HDLBP: variants seen among roughly 807,000 people sequenced by gnomAD.
HDLBP encodes vigilin.
HDLBP carries 30 observed loss-of-function variants against 137.3 expected under a neutral mutation model. That is an observed-to-expected ratio of 0.22 (90% CI 0.16 to 0.30). HDLBP has a LOEUF of 0.30. HDLBP is among the 10% of genes least tolerant of loss of function. The probability of loss-of-function intolerance (pLI) is 1.00; values close to 1 mark genes in which losing one functional copy is unlikely to be tolerated. For synonymous variants in HDLBP, 606 were observed against 596.0 expected (o/e 1.02, Z -0.24); for missense variants, 1,119 against 1,667.3 (o/e 0.67, Z 5.73).
chr2:241,246,281 A>T (rs1306940749), intron 16 of HDLBP, among the ~76,000 whole-genome samples: 1 of 151,330 alleles, frequency 6.6e-6, no homozygotes, highest in Non-Finnish European at 1.5e-5. Context: ...GGGTGGGGGG[A>T]GTGTGGTTTT....
chr2:241,242,848 G>A (rs2071378582), intron 16 of HDLBP, 170 bp from the exon 17 acceptor site: 1 of 639,666 alleles, frequency 1.6e-6, no homozygotes, highest in African/African-American at 1.8e-5. Flanking sequence ...GACCTGCACG[G>A]GGGAGGAGAG....
rs367970143 is a variant in HDLBP at position 241,307,359 on chromosome 2, G to C, written c.-103+8211C>G. Among the ~76,000 whole-genome samples, 8 of 152,200 alleles carry C rather than the reference G, an allele frequency of 5.3e-5. No homozygotes were observed. The East Asian group carries it at 5.8e-4, about 11-fold the overall frequency. ...CATCAGCCACTTCTTACCTCTTCCT[G>C]CCCCAGGAGAGACCTGCGGTCATAG... On this transcript the variant is annotated intron_variant, in intron 1 of 27. Coordinates refer to ENST00000310931, the MANE Select transcript of HDLBP (RefSeq NM_005336.6).
chr2:241,303,409 T>C (rs1322436810), intron 1 of HDLBP, among the ~76,000 whole-genome samples: 2 of 152,160 alleles, frequency 1.3e-5, no homozygotes, highest in African/African-American at 4.8e-5. Context: ...AAAGGAATCA[T>C]GCCAAGAAAG....
At chr2:241,250,566 G>C (rs955037415) in intron 11 of HDLBP, 1 of 152,562 alleles carries the variant, frequency 6.6e-6, no homozygotes, top group African/African-American at 2.4e-5. Flanking sequence ...GTACCCCCAA[G>C]TTAAGAGTTC....
intron 1 of HDLBP, among the ~76,000 whole-genome samples, chr2:241,299,832 G>A (rs906652166): frequency 2.0e-5 from 3 of 151,024 alleles, no homozygotes; most frequent in South Asian, 2.1e-4. Context: ...GGAGAACAGC[G>A]TGAACCCAGG....
At chr2:241,246,993 AAAT>A in intron 15 of HDLBP, 60 bp downstream of exon 15, 1 of 1,567,570 alleles carries the variant, frequency 6.4e-7, no homozygotes, top group Non-Finnish European at 8.8e-7. Context: ...TCTAAAACCA[AAAT>A]GGTGCAGGGC....
intron 7 of HDLBP, 30 bp from the exon 8 acceptor site, chr2:241,255,610 A>C (rs1393755441): frequency 3.8e-6 from 6 of 1,578,678 alleles, no homozygotes; most frequent in Non-Finnish European, 5.2e-6. Context: ...GGGGCAGTCA[A>C]AGGGAAAGGT....
chr2:241,278,009 G>A (rs994949945), intron 1 of HDLBP, among the ~76,000 whole-genome samples: 44 of 151,948 alleles, frequency 2.9e-4, no homozygotes, highest in African/African-American at 8.7e-4. Flanking sequence ...ACAAAAAGGC[G>A]GGTCTCCAAA....
chr2:241,302,928 G>A (rs1332982338), intron 1 of HDLBP, among the ~76,000 whole-genome samples: 1 of 152,160 alleles, frequency 6.6e-6, no homozygotes, highest in African/African-American at 2.4e-5. Context: ...TTCTCTGCCT[G>A]GCCCGAGGTA....
At chr2:241,229,792 A>T in intron 27 of HDLBP, 41 bp downstream of exon 27, 1 of 280,190 alleles carries the variant, frequency 3.6e-6, no homozygotes, top group Non-Finnish European at 6.4e-6. Flanking sequence ...CTGCCCGCCC[A>T]CCCTCCCTGG....
intron 3 of HDLBP, among the ~76,000 whole-genome samples, chr2:241,266,189 C>T (rs773387285): frequency 6.6e-5 from 10 of 152,190 alleles, no homozygotes; most frequent in African/African-American, 1.9e-4. Flanking sequence ...CATCAGACTT[C>T]GAAGAGAAAT....
chr2:241,240,040 C>T lies in HDLBP; in HGVS notation c.2252G>A (p.Arg751His), dbSNP rs772976334. ...TGCTCCAGTGCTGTCGCGCACCTTG[C>T]GAATTTTGCCGCCCCCCTTGCCGAT... is the stretch of plus-strand genomic sequence containing the variant. ...FLIGKGGGKI[R>H]KVRDSTGARV... The change falls in exon 18 of 28, where the codon CGC becomes CAC. Residue 751 changes from arginine to histidine, a missense_variant. By Grantham distance (29) the Arg-to-His change is conservative. Transcript: ENST00000310931. This position sits in a 1 kb window ranked among gnomAD's most constrained non-coding sequence, Gnocchi z 5.5. 5.0e-6 allele frequency: 8 copies of T among 1,614,054 alleles called. No homozygotes were observed. The highest frequency in any genetic ancestry group is 6.8e-6 in the Non-Finnish European group (8 of 1,180,046).
chr2:241,299,711 C>G (rs551152025), intron 1 of HDLBP, among the ~76,000 whole-genome samples: 9 of 152,086 alleles, frequency 5.9e-5, no homozygotes, highest in African/African-American at 2.2e-4. Flanking sequence ...GTCAGGAGAT[C>G]GAGATCATCC....
chr2:241,260,806 G>C (rs1406533979), intron 5 of HDLBP, among the ~76,000 whole-genome samples: 1 of 152,018 alleles, frequency 6.6e-6, no homozygotes, highest in Non-Finnish European at 1.5e-5. Context: ...AAGTAACCAA[G>C]CCCCTAGAGA....
chr2:241,253,848 C>T lies in HDLBP; in HGVS notation c.1189-351G>A, dbSNP rs1250016762. Among the ~76,000 whole-genome samples, 12 of 152,248 alleles carry T rather than the reference C, an allele frequency of 7.9e-5. 1 individual carries two copies. In the South Asian group the frequency reaches 2.3e-3, roughly 29 times the overall value. Reference sequence around the variant, plus strand: ...GTTGCATAAAGAATGAGACAGAGCACGGATGGAATTTTAAAACTCGTATAG... The same window carrying T: ...GTTGCATAAAGAATGAGACAGAGCATGGATGGAATTTTAAAACTCGTATAG... On this transcript the variant is annotated intron_variant, in intron 9 of 27. Transcript: ENST00000310931.
chr2:241,267,620 A>T, intron 2 of HDLBP: 2 of 1,535,740 alleles, frequency 1.3e-6, no homozygotes, highest in Non-Finnish European at 1.7e-6. Context: ...TGCTACAAAA[A>T]GCCAGCGGTC....
At chr2:241,253,356 G>A (rs1259638071) in intron 10 of HDLBP, 37 bp downstream of exon 10, 1 of 1,409,410 alleles carries the variant, frequency 7.1e-7, no homozygotes, top group East Asian at 2.3e-5. Context: ...AGCCTCCCTT[G>A]TCACCAGCAC....
intron 17 of HDLBP, among the ~76,000 whole-genome samples, chr2:241,241,697 TAAC>T (rs1311650703): frequency 6.7e-6 from 1 of 148,640 alleles, no homozygotes; most frequent in Non-Finnish European, 1.5e-5. Flanking sequence ...TTCCATGTGC[TAAC>T]AACTGGAAAT....
chr2:241,274,070 T>C (rs1173179212), intron 1 of HDLBP, among the ~76,000 whole-genome samples: 1 of 152,066 alleles, frequency 6.6e-6, no homozygotes, highest in East Asian at 1.9e-4. Context: ...AAGACACAGG[T>C]TCTTGGCCTG....
Sources: gnomAD v4.1 joint callset for allele counts (sites outside exome capture counted in the v4.1 genomes callset) on GRCh38, gnomAD v4.1.1 for gene constraint, Gnocchi (gnomAD v3.1) non-coding constraint, MANE v1.5 for transcripts, NCBI Gene and HGNC (gene_info 2026-07-23, HGNC 2026-07-21) for gene names.